Variants in PTPRD observed in about 807,000 individuals in gnomAD.
PTPRD encodes the protein protein tyrosine phosphatase receptor type D.
In PTPRD, 34 loss-of-function variants were observed where a neutral mutation model predicts 214.5. That is an observed-to-expected ratio of 0.16 (90% CI 0.12 to 0.21). The LOEUF (loss-of-function observed/expected upper bound fraction) is 0.21. Ranked by LOEUF, PTPRD falls within the 10% of genes least tolerant of loss-of-function variation. The pLI is 1.00. For missense variants in PTPRD, 2,545 were observed against 2,398.7 expected (o/e 1.06, Z -1.27); for synonymous variants, 1,128 against 845.7 (o/e 1.33, Z -5.79).
intron 3 of PTPRD, among the ~76,000 whole-genome samples, chr9:10,103,395 T>TATATCTATATATATATATATATATATATA (rs34926923): frequency 8.6e-6 from 1 of 116,698 alleles, no homozygotes; most frequent in South Asian, 2.6e-4. Flanking sequence ...ATATATATAT[T>TATATCTATATATATATATATATATATATA]TATTTAAGAG....
At chr9:10,153,417 C>T (rs910133525) in intron 3 of PTPRD, among the ~76,000 whole-genome samples, 1 of 151,066 alleles carries the variant, frequency 6.6e-6, no homozygotes, top group Non-Finnish European at 1.5e-5. Context: ...ATTTGCTTAA[C>T]CCAAAGATTA....
intron 11 of PTPRD, among the ~76,000 whole-genome samples, chr9:8,848,536 G>T (rs1289242820): frequency 6.7e-6 from 1 of 148,224 alleles, no homozygotes; most frequent in Non-Finnish European, 1.5e-5. Flanking sequence ...GTAGAGACAG[G>T]GTCTTGCTAT....
At chr9:8,361,843 G>A (rs1042279385) in intron 39 of PTPRD, among the ~76,000 whole-genome samples, 35 of 152,166 alleles carry the variant, frequency 2.3e-4, no homozygotes, top group Admixed American at 1.4e-3. Context: ...TTAAGGTAAA[G>A]CACTTTCTAA....
chr9:9,807,676 C>G lies in PTPRD; in HGVS notation c.-367-40825G>C, dbSNP rs566581439. ...CACTTCGGAAACAAAAGACATCATT[C>G]TATTTACAGCATTCTATTTCTACTA... On this transcript the variant is annotated intron_variant, in intron 5 of 45. Coordinates refer to ENST00000381196, the MANE Select transcript of PTPRD (RefSeq NM_002839.4). 5.3e-5 allele frequency among the ~76,000 whole-genome samples: 8 copies of G among 152,164 alleles called. No homozygotes were observed. In the South Asian group the frequency reaches 1.0e-3, roughly 20 times the overall value.
intron 3 of PTPRD, among the ~76,000 whole-genome samples, chr9:10,291,438 G>C (rs1014884980): frequency 3.3e-5 from 5 of 152,118 alleles, no homozygotes; most frequent in African/African-American, 1.2e-4. Context: ...ATTGAGATGG[G>C]AAGATGAGCG....
At chr9:8,590,453 G>C (rs1323385112) in intron 14 of PTPRD, among the ~76,000 whole-genome samples, 2 of 152,042 alleles carry the variant, frequency 1.3e-5, no homozygotes, top group African/African-American at 2.4e-5. Context: ...AACCAATCAA[G>C]TTTTACATGC....
Position 8,881,563 on chromosome 9 carries a change from TAAGTAA to T in PTPRD, c.-104+137128_-104+137133del, listed in dbSNP as rs145090189. 3.1e-3 allele frequency among the ~76,000 whole-genome samples: 475 copies of T among 152,346 alleles called. 3 individuals are homozygous for T. Among genetic ancestry groups the T allele is most frequent in the African/African-American group, 0.011 (440 of 41,572 alleles). On this transcript the variant is annotated intron_variant, in intron 11 of 45. Coordinates refer to ENST00000381196, the MANE Select transcript of PTPRD (RefSeq NM_002839.4). Reference sequence around the variant, plus strand: ...TGATATATTTACAGTGGTATAAGTTTAAGTAAAAGACAGGCATACAGACAACTAACC... The same window carrying T: ...TGATATATTTACAGTGGTATAAGTTTAAGACAGGCATACAGACAACTAACC...
chr9:9,396,557 C>T (rs1183202086), intron 9 of PTPRD, among the ~76,000 whole-genome samples: 1 of 151,932 alleles, frequency 6.6e-6, no homozygotes, highest in Non-Finnish European at 1.5e-5. Flanking sequence ...TTACCCAAAA[C>T]CTATGTAAAT....
Position 9,984,449 on chromosome 9 carries a change from G to A in PTPRD, c.-471-45839C>T, listed in dbSNP as rs562717626. Among the ~76,000 whole-genome samples, 11 of 152,216 alleles carry A rather than the reference G, an allele frequency of 7.2e-5. No individual in the cohort carries two copies. The East Asian group carries it at 7.7e-4, about 11-fold the overall frequency. On this transcript the variant is annotated intron_variant, in intron 4 of 45. Transcript: ENST00000381196. ...CCACAGGATGACAGAGAAATTTATC[G>A]GTGTGCCAGACTGGACATGGTCTGT...
intron 14 of PTPRD, among the ~76,000 whole-genome samples, chr9:8,570,688 T>G (rs907177031): frequency 1.3e-5 from 2 of 152,158 alleles, no homozygotes; most frequent in African/African-American, 4.8e-5. Flanking sequence ...TTTAGCTCAA[T>G]GTTGTGATGG....
intron 10 of PTPRD, among the ~76,000 whole-genome samples, chr9:9,076,145 A>G (rs2099750809): frequency 6.6e-6 from 1 of 152,070 alleles, no homozygotes; most frequent in Non-Finnish European, 1.5e-5. Context: ...CTTGATTTGA[A>G]TTTCTCTGAT....
chr9:10,511,183 G>A (rs2047896150), intron 2 of PTPRD, among the ~76,000 whole-genome samples: 2 of 152,266 alleles, frequency 1.3e-5, no homozygotes, highest in Admixed American at 6.5e-5. Flanking sequence ...CGAAGTATGT[G>A]TGAGTTATTT....
At chr9:9,217,332 G>A (rs1468516250) in intron 9 of PTPRD, among the ~76,000 whole-genome samples, 1 of 152,142 alleles carries the variant, frequency 6.6e-6, no homozygotes, top group Non-Finnish European at 1.5e-5. Flanking sequence ...CACCTCATAA[G>A]TGTTTTATAT....
chr9:9,068,672 C>T (rs144713622), intron 10 of PTPRD, among the ~76,000 whole-genome samples: 308 of 152,102 alleles, frequency 2.0e-3, no homozygotes, highest in African/African-American at 6.7e-3. Context: ...AGTGCAGTGG[C>T]GCACTCTCAG....
intron 3 of PTPRD, among the ~76,000 whole-genome samples, chr9:10,123,965 T>G (rs2098796374): frequency 6.6e-6 from 1 of 152,166 alleles, no homozygotes; most frequent in African/African-American, 2.4e-5. Context: ...TTACAACAAT[T>G]TGCCAAACAA....
At chr9:9,775,772 T>C (rs866602354) in intron 5 of PTPRD, among the ~76,000 whole-genome samples, 26 of 151,954 alleles carry the variant, frequency 1.7e-4, no homozygotes, top group South Asian at 4.2e-4. Flanking sequence ...TGAAACCCAG[T>C]CTCTACTGAA....
chr9:9,870,715 G>A (rs572166332), intron 5 of PTPRD, among the ~76,000 whole-genome samples: 1 of 152,018 alleles, frequency 6.6e-6, no homozygotes, highest in East Asian at 1.9e-4. Flanking sequence ...ATTTGAGGAT[G>A]AAGTGTACTG....
At chr9:9,856,457 A>G (rs1252616626) in intron 5 of PTPRD, among the ~76,000 whole-genome samples, 1 of 152,160 alleles carries the variant, frequency 6.6e-6, no homozygotes, top group Non-Finnish European at 1.5e-5. Flanking sequence ...AAGTACAGTA[A>G]CAAAAAGAAA....
At chr9:10,568,247 A>C (rs143286890) in intron 2 of PTPRD, among the ~76,000 whole-genome samples, 9 of 151,744 alleles carry the variant, frequency 5.9e-5, no homozygotes, top group East Asian at 1.9e-4. Context: ...ATAGTTTGCC[A>C]AGAATGATGG....
Sources: gnomAD v4.1 joint callset for allele counts (sites outside exome capture counted in the v4.1 genomes callset) on GRCh38, gnomAD v4.1.1 for gene constraint, MANE v1.5 for transcripts, NCBI Gene and HGNC (gene_info 2026-07-23, HGNC 2026-07-21) for gene names.